Variants in FMN2 observed in about 807,000 individuals in gnomAD.
FMN2 encodes formin 2, also known as formin-2.
FMN2 carries 51 observed loss-of-function variants against 142.3 expected under a neutral mutation model. The ratio of observed to expected loss-of-function variants is 0.36; its 90% confidence interval spans 0.29 to 0.45. The LOEUF is 0.45. FMN2 is among the 20% of genes least tolerant of loss of function. The pLI is 1.00. For missense variants in FMN2, 1,936 were observed against 2,122.8 expected, an observed-to-expected ratio of 0.91 and a Z score of 1.73; for synonymous variants, 882 against 869.8, an observed-to-expected ratio of 1.01 and a Z score of -0.25.
intron 13 of FMN2, among the ~76,000 whole-genome samples, chr1:240,348,614 G>A (rs1274473902): frequency 6.6e-6 from 1 of 151,634 alleles, no homozygotes; most frequent in African/African-American, 2.4e-5. Context: ...TTAGGTTGGA[G>A]CCCTGTCAGG....
intron 16 of FMN2, among the ~76,000 whole-genome samples, chr1:240,465,647 C>T (rs561234799): frequency 3.3e-5 from 5 of 152,198 alleles, no homozygotes; most frequent in South Asian, 2.1e-4. Context: ...TCCAGCAAGC[C>T]GAGCTGCAGC....
chr1:240,468,289 C>CATATACATATGCACACACAT (rs1676696000), intron 16 of FMN2, among the ~76,000 whole-genome samples: 1 of 151,668 alleles, frequency 6.6e-6, no homozygotes, highest in East Asian at 1.9e-4. Flanking sequence ...TGCACACACA[C>CATATACATATGCACACACAT]ATATACATAT....
At chr1:240,167,735 T>C (rs1157669098) in intron 2 of FMN2, among the ~76,000 whole-genome samples, 2 of 152,166 alleles carry the variant, frequency 1.3e-5, no homozygotes, top group Non-Finnish European at 2.9e-5. Flanking sequence ...GTATTATTTA[T>C]AAAACCATGT....
intron 16 of FMN2, chr1:240,458,964 A>G (rs891680953): frequency 6.6e-6 from 1 of 152,160 alleles, no homozygotes; most frequent in South Asian, 2.1e-4. Context: ...TCCAAGTCTG[A>G]CATGGAATTA....
chr1:240,363,169 T>C (rs74151647), intron 14 of FMN2, among the ~76,000 whole-genome samples: 4,872 of 152,286 alleles, frequency 0.032, 256 homozygotes, highest in African/African-American at 0.11. Context: ...GGAATATTCT[T>C]TATGCAGGGT....
At chr1:240,241,449 G>C (rs1189139868) in intron 6 of FMN2, among the ~76,000 whole-genome samples, 1 of 152,100 alleles carries the variant, frequency 6.6e-6, no homozygotes, top group African/African-American at 2.4e-5. Flanking sequence ...AGAGGTGTGT[G>C]TGCACATGGC....
chr1:240,281,402 G>C (rs1254149833), intron 7 of FMN2, among the ~76,000 whole-genome samples: 2 of 152,056 alleles, frequency 1.3e-5, no homozygotes. Context: ...TAGGACATAT[G>C]GTATTTTAAC....
intron 14 of FMN2, among the ~76,000 whole-genome samples, chr1:240,385,877 C>G (rs1023987177): frequency 3.3e-5 from 5 of 149,532 alleles, no homozygotes; most frequent in Non-Finnish European, 7.4e-5. Flanking sequence ...TCTAGAGGCA[C>G]AATGATATAT....
At chr1:240,280,838 C>T (rs1212620529) in intron 7 of FMN2, among the ~76,000 whole-genome samples, 1 of 152,130 alleles carries the variant, frequency 6.6e-6, no homozygotes, top group East Asian at 1.9e-4. Context: ...CTTATCTAAA[C>T]AGTTGAGATA....
At chr1:240,341,020 A>T (rs1338936093) in intron 13 of FMN2, among the ~76,000 whole-genome samples, 1 of 152,118 alleles carries the variant, frequency 6.6e-6, no homozygotes, top group Admixed American at 6.6e-5. Flanking sequence ...TGTCTCTAAC[A>T]TCTCTTTCAT....
chr1:240,379,841 A>G (rs1673167489), intron 14 of FMN2, among the ~76,000 whole-genome samples: 1 of 152,146 alleles, frequency 6.6e-6, no homozygotes, highest in Non-Finnish European at 1.5e-5. Context: ...AACAAAATAG[A>G]TAGACCACTA....
chr1:240,319,034 G>A (rs1670880948), intron 8 of FMN2, among the ~76,000 whole-genome samples: 1 of 152,166 alleles, frequency 6.6e-6, no homozygotes, highest in South Asian at 2.1e-4. Flanking sequence ...GAAAGTAATG[G>A]TCTGTCTGGA....
intron 7 of FMN2, among the ~76,000 whole-genome samples, chr1:240,292,911 T>A (rs1288678444): frequency 6.6e-6 from 1 of 152,108 alleles, no homozygotes; most frequent in East Asian, 1.9e-4. Context: ...TCGTTCCCAT[T>A]TGAATTGTGT....
intron 5 of FMN2, among the ~76,000 whole-genome samples, chr1:240,209,763 G>A (rs1666611333): frequency 1.3e-5 from 2 of 151,748 alleles, no homozygotes; most frequent in African/African-American, 2.4e-5. Context: ...AATTAGCCGG[G>A]CGAGGTGGCG....
intron 6 of FMN2, among the ~76,000 whole-genome samples, chr1:240,254,327 G>A (rs2102890754): frequency 6.6e-6 from 1 of 152,126 alleles, no homozygotes; most frequent in East Asian, 1.9e-4. Context: ...TAGCTGTGGT[G>A]TTAGCAGTAG....
At chr1:240,461,003 G>A (rs1229933062) in intron 16 of FMN2, among the ~76,000 whole-genome samples, 2 of 152,130 alleles carry the variant, frequency 1.3e-5, no homozygotes, top group African/African-American at 4.8e-5. Flanking sequence ...TGAAGTTTAA[G>A]AGCCACTGTT....
intron 13 of FMN2, among the ~76,000 whole-genome samples, chr1:240,337,275 C>A (rs1474947023): frequency 7.3e-6 from 1 of 137,206 alleles, no homozygotes; most frequent in African/African-American, 2.7e-5. Context: ...GTGGCACAAT[C>A]TCGGCTCACT....
At chr1:240,445,174 A>G (rs1040038247) in intron 16 of FMN2, among the ~76,000 whole-genome samples, 3 of 152,232 alleles carry the variant, frequency 2.0e-5, no homozygotes, top group Non-Finnish European at 1.5e-5. Flanking sequence ...GAATTGGAGT[A>G]ACGCATACAC....
chr1:240,157,169 T>C lies in FMN2; in HGVS notation c.1783-20752T>C, dbSNP rs573534242. ...TCTACAGTGCTGTGTTAATAGCTAA[T>C]ACTTTATATAGCTACCTTCTGAAGC... On this transcript the variant is annotated intron_variant, in intron 2 of 17. Coordinates refer to ENST00000319653, the MANE Select transcript of FMN2 (RefSeq NM_020066.5). 2.6e-5 allele frequency among the ~76,000 whole-genome samples: 4 copies of C among 152,348 alleles called. No homozygotes were observed. In the South Asian group the frequency reaches 8.3e-4, roughly 32 times the overall value.
Sources: gnomAD v4.1 joint callset for allele counts (sites outside exome capture counted in the v4.1 genomes callset) on GRCh38, gnomAD v4.1.1 for gene constraint, MANE v1.5 for transcripts, NCBI Gene and HGNC (gene_info 2026-07-23, HGNC 2026-07-21) for gene names.